Variants in PRAC2 observed in about 807,000 individuals in gnomAD.
The protein encoded by PRAC2 is PRAC2 small nuclear protein, also known as protein PRAC2.
For missense variants in PRAC2, 92 were observed against 114.5 expected (o/e 0.80, Z 0.90); for synonymous variants, 43 against 49.5 (o/e 0.87, Z 0.55).
chr17:48,721,148 G>A (rs540782189), upstream of PRAC2, among the ~76,000 whole-genome samples: 43 of 152,236 alleles, frequency 2.8e-4, no homozygotes, highest in African/African-American at 1.0e-3. Flanking sequence ...GGCAATATCA[G>A]TGGTTGGCTG....
upstream of PRAC2, chr17:48,721,755 G>T: frequency 6.9e-7 from 1 of 1,447,768 alleles, no homozygotes; most frequent in Non-Finnish European, 9.1e-7. Context: ...TATAAATAGA[G>T]ACAGCGTCTT....
upstream of PRAC2, among the ~76,000 whole-genome samples, chr17:48,719,212 A>AACACATAC (rs1555557216): frequency 1.2e-4 from 17 of 141,144 alleles, no homozygotes; most frequent in East Asian, 3.4e-3. Context: ...CTCGCACACA[A>AACACATAC]ACACACACAC....
upstream of PRAC2, chr17:48,722,655 C>T: frequency 2.1e-6 from 1 of 472,246 alleles, no homozygotes; most frequent in Admixed American, 3.4e-5. Flanking sequence ...CCAGCAGCCT[C>T]CTCGCCTCCC....
upstream of PRAC2, among the ~76,000 whole-genome samples, chr17:48,721,163 T>C (rs1013985249): frequency 5.9e-5 from 9 of 152,054 alleles, no homozygotes; most frequent in Admixed American, 5.9e-4. Flanking sequence ...TGGCTGAAGA[T>C]GTGAGCATGT....
chr17:48,723,762 G>A, intron 1 of PRAC2: 2 of 1,231,742 alleles, frequency 1.6e-6, no homozygotes, highest in Non-Finnish European at 2.0e-6. Context: ...TTCAAAAAGA[G>A]CTTCCGGAGG....
chr17:48,720,692 G>A (rs1318725128), upstream of PRAC2, among the ~76,000 whole-genome samples: 3 of 152,154 alleles, frequency 2.0e-5, no homozygotes, highest in Non-Finnish European at 4.4e-5. Context: ...CTCAATTAAT[G>A]AGTAGTTGGT....
chr17:48,721,519 T>C (rs772576395), upstream of PRAC2, among the ~76,000 whole-genome samples: 1 of 152,130 alleles, frequency 6.6e-6, no homozygotes, highest in Non-Finnish European at 1.5e-5. Context: ...AGAGACAGTT[T>C]TCACTATGTT....
chr17:48,718,830 G>A (rs2038118978), upstream of PRAC2, among the ~76,000 whole-genome samples: 1 of 152,200 alleles, frequency 6.6e-6, no homozygotes, highest in East Asian at 1.9e-4. Flanking sequence ...AGGCAAATTG[G>A]TGGGGACGGG....
upstream of PRAC2, chr17:48,723,031 T>A (rs2038162307): frequency 6.5e-6 from 1 of 152,870 alleles, no homozygotes; most frequent in Non-Finnish European, 1.5e-5. Context: ...CTCCCCCTCA[T>A]CCCCTCTACA....
At chr17:48,721,766 G>T (rs749189274), upstream of PRAC2, 1 of 1,468,468 alleles carries the variant, frequency 6.8e-7, no homozygotes, top group South Asian at 1.4e-5. Flanking sequence ...ACAGCGTCTT[G>T]CTACATTGCC....
chr17:48,723,562 G>T (rs970734166), intron 1 of PRAC2: 31 of 509,416 alleles, frequency 6.1e-5, no homozygotes, highest in Admixed American at 3.1e-4. Flanking sequence ...GCTTTTTCCT[G>T]CTTCGAGGGC....
chr17:48,721,849 T>C (rs2038148104), upstream of PRAC2: 3 of 1,544,114 alleles, frequency 1.9e-6, no homozygotes, highest in African/African-American at 4.1e-5. Flanking sequence ...AATTACAGGC[T>C]GAGCCATCAC....
chr17:48,720,924 G>A (rs1443959977), upstream of PRAC2, among the ~76,000 whole-genome samples: 3 of 152,156 alleles, frequency 2.0e-5, no homozygotes, highest in Non-Finnish European at 4.4e-5. Flanking sequence ...TCAGTTGGTG[G>A]TAGAGGTTAA....
At chr17:48,719,241 A>ACACACG (rs1003537481), upstream of PRAC2, among the ~76,000 whole-genome samples, 514 of 150,710 alleles carry the variant, frequency 3.4e-3, 4 homozygotes, top group African/African-American at 0.012. Flanking sequence ...ACACACACAC[A>ACACACG]CACGCACACG....
upstream of PRAC2, chr17:48,721,955 A>G (rs1197263249): frequency 2.8e-5 from 41 of 1,447,628 alleles, no homozygotes; most frequent in South Asian, 1.0e-4. Context: ...TATCAATATT[A>G]ATTTTGCTTA....
At chr17:48,722,229 T>C (rs2143042815), upstream of PRAC2, 2 of 1,129,586 alleles carry the variant, frequency 1.8e-6, no homozygotes, top group African/African-American at 1.5e-5. Flanking sequence ...GCTCCCAAAT[T>C]CCTGGGAGAC....
At position 48,723,612 on chromosome 17, in the gene PRAC2, G is replaced by C. The variant is rs1341087728; in HGVS notation, c.-84+299G>C. 9 of 884,292 alleles carry C rather than the reference G, an allele frequency of 1.0e-5. No individual in the cohort carries two copies. In the African/African-American group the frequency reaches 1.6e-4, roughly 15 times the overall value. The allele number at this position is 884,292 out of a possible 1,614,324, so 54.8% of individuals were successfully genotyped here. ...CCCGGGAACTACTATTTGGAGTAGG[G>C]ATCGCCTGCAGGGAAGGCGGGGCGG... On this transcript the variant is annotated intron_variant, in intron 1 of 1. Transcript: ENST00000422730.
chr17:48,722,193 T>TTAA (rs1200604120), upstream of PRAC2: 27 of 818,718 alleles, frequency 3.3e-5, no homozygotes, highest in Non-Finnish European at 5.4e-5. Context: ...TGCTCACCCT[T>TTAA]CCCTTGTTTC....
upstream of PRAC2, among the ~76,000 whole-genome samples, chr17:48,721,021 T>G (rs1225058870): frequency 1.3e-5 from 2 of 152,080 alleles, no homozygotes; most frequent in South Asian, 2.1e-4. Flanking sequence ...CAATTGTGGG[T>G]TTTGTCATTA....
Sources: allele counts gnomAD v4.1 joint callset (sites outside exome capture counted in the v4.1 genomes callset), GRCh38; gene constraint gnomAD v4.1.1; transcripts MANE v1.5; gene names NCBI Gene and HGNC (gene_info 2026-07-23, HGNC 2026-07-21).